The following SLC9A9 variants were observed in gnomAD, a reference collection of about 807,000 sequenced individuals.
SLC9A9 encodes the protein sodium/hydrogen exchanger 9.
A neutral mutation model predicts 77.8 loss-of-function variants in SLC9A9; 62 were observed. That is an observed-to-expected ratio of 0.80 (90% CI 0.65 to 0.98). The LOEUF (loss-of-function observed/expected upper bound fraction) is 0.98. SLC9A9 is among the 50% of genes least tolerant of loss of function. SLC9A9 has a pLI of 0.00. For synonymous variants in SLC9A9, 320 were observed against 283.5 expected (o/e 1.13, Z -1.29); for missense variants, 775 against 774.9 (o/e 1.00, Z 0.00).
chr3:143,637,016 A>T (rs1367067637), intron 6 of SLC9A9, among the ~76,000 whole-genome samples: 2 of 152,234 alleles, frequency 1.3e-5, no homozygotes, highest in African/African-American at 4.8e-5. Context: ...AAATTCAAAA[A>T]TAAGAAGTGA....
At chr3:143,517,564 T>C in intron 9 of SLC9A9, 1 of 1,597,628 alleles carries the variant, frequency 6.3e-7, no homozygotes, top group Non-Finnish European at 8.5e-7. Context: ...GTTGAACTTC[T>C]TTCAGCATTG....
chr3:143,495,100 C>G (rs2108592120), intron 10 of SLC9A9, among the ~76,000 whole-genome samples: 1 of 152,192 alleles, frequency 6.6e-6, no homozygotes, highest in African/African-American at 2.4e-5. Context: ...TTTAATTTCC[C>G]TCTTTATTTC....
intron 6 of SLC9A9, among the ~76,000 whole-genome samples, chr3:143,585,603 A>T (rs1323136214): frequency 6.6e-6 from 1 of 152,184 alleles, no homozygotes; most frequent in African/African-American, 2.4e-5. Context: ...TGTGTCCTTA[A>T]CCTGGTCAAA....
At chr3:143,617,724 C>T (rs914674820) in intron 6 of SLC9A9, among the ~76,000 whole-genome samples, 2 of 152,204 alleles carry the variant, frequency 1.3e-5, no homozygotes, top group Non-Finnish European at 2.9e-5. Flanking sequence ...GTCCTTCCCA[C>T]TCTCTCCCAG....
intron 5 of SLC9A9, among the ~76,000 whole-genome samples, chr3:143,686,989 C>T (rs1041313487): frequency 6.6e-6 from 1 of 152,086 alleles, no homozygotes. Flanking sequence ...CTGCCATTTT[C>T]CATATACTGT....
At chr3:143,450,127 A>G (rs1223914990) in intron 12 of SLC9A9, among the ~76,000 whole-genome samples, 1 of 126,998 alleles carries the variant, frequency 7.9e-6, no homozygotes, top group Non-Finnish European at 1.6e-5. Context: ...ATATATTATA[A>G]TATATAAATA....
chr3:143,730,232 G>C (rs902459222), intron 4 of SLC9A9, among the ~76,000 whole-genome samples: 1 of 151,996 alleles, frequency 6.6e-6, no homozygotes, highest in Non-Finnish European at 1.5e-5. Context: ...GGGGACTTTG[G>C]CACGACTGTG....
At chr3:143,657,145 T>G (rs1282064724) in intron 5 of SLC9A9, among the ~76,000 whole-genome samples, 1 of 152,212 alleles carries the variant, frequency 6.6e-6, no homozygotes, top group Non-Finnish European at 1.5e-5. Flanking sequence ...CCAGTCAAGC[T>G]CTGCCAGTCA....
chr3:143,346,285 G>A (rs1049531576), intron 14 of SLC9A9, among the ~76,000 whole-genome samples: 13 of 152,136 alleles, frequency 8.5e-5, no homozygotes, highest in Non-Finnish European at 1.3e-4. Flanking sequence ...AAACAATGGA[G>A]GGAGAGGATG....
chr3:143,535,594 T>C (rs2036577860), intron 9 of SLC9A9, among the ~76,000 whole-genome samples: 2 of 152,192 alleles, frequency 1.3e-5, no homozygotes, highest in South Asian at 4.1e-4. Flanking sequence ...TGATAAGAGA[T>C]TTTACAGTAC....
chr3:143,561,862 A>G (rs2037091447), intron 8 of SLC9A9, among the ~76,000 whole-genome samples: 1 of 152,212 alleles, frequency 6.6e-6, no homozygotes, highest in Non-Finnish European at 1.5e-5. Flanking sequence ...TTCCTATTTA[A>G]CAAGTGACTG....
chr3:143,587,884 T>C (rs1233080015), intron 6 of SLC9A9, among the ~76,000 whole-genome samples: 1 of 152,068 alleles, frequency 6.6e-6, no homozygotes, highest in Admixed American at 6.5e-5. Flanking sequence ...AGAAAAAGAT[T>C]GAGAGAAGTA....
At chr3:143,786,320 A>G (rs2008057454) in intron 4 of SLC9A9, among the ~76,000 whole-genome samples, 1 of 152,206 alleles carries the variant, frequency 6.6e-6, no homozygotes, top group Non-Finnish European at 1.5e-5. Flanking sequence ...TACCACAACA[A>G]TCTTACATAT....
chr3:143,634,975 G>T (rs999650158), intron 6 of SLC9A9, among the ~76,000 whole-genome samples: 1 of 151,846 alleles, frequency 6.6e-6, no homozygotes, highest in African/African-American at 2.4e-5. Flanking sequence ...TTTTAATTTG[G>T]GTTTTGTCCT....
chr3:143,832,366 T>C (rs747501443), intron 1 of SLC9A9, 145 bp from the exon 2 acceptor site: 34 of 682,936 alleles, frequency 5.0e-5, no homozygotes, highest in Non-Finnish European at 4.7e-5. Context: ...CACTTTTGCA[T>C]GGATACCAGT....
At chr3:143,471,139 T>C (rs1251220925) in intron 11 of SLC9A9, among the ~76,000 whole-genome samples, 2 of 152,214 alleles carry the variant, frequency 1.3e-5, no homozygotes, top group Non-Finnish European at 2.9e-5. Context: ...CATCTGTCCA[T>C]AGCCCTGGTA....
intron 11 of SLC9A9, among the ~76,000 whole-genome samples, chr3:143,471,582 C>T (rs1044376719): frequency 9.9e-5 from 15 of 152,182 alleles, no homozygotes; most frequent in Non-Finnish European, 1.0e-4. Context: ...CTCAAGAAAT[C>T]TAGAACTTGT....
intron 12 of SLC9A9, among the ~76,000 whole-genome samples, chr3:143,396,413 A>C (rs1282290920): frequency 1.3e-5 from 2 of 152,220 alleles, no homozygotes; most frequent in South Asian, 2.1e-4. Flanking sequence ...ACATGGACAC[A>C]GGAAGCGGAA....
chr3:143,773,672 C>T lies in SLC9A9; in HGVS notation c.533+21329G>A, dbSNP rs537672660. 3.9e-5 allele frequency among the ~76,000 whole-genome samples: 6 copies of T among 152,072 alleles called. No homozygotes were observed. In the South Asian group the frequency reaches 6.2e-4, roughly 16 times the overall value. On this transcript the variant is annotated intron_variant, in intron 4 of 15. Coordinates refer to ENST00000316549, the MANE Select transcript of SLC9A9 (RefSeq NM_173653.4). The stretch of plus-strand genomic sequence containing the variant: ...GCTAATTTTGTATGTTTAGTAGAGA[C>T]GGGGTTTCACCATGCTGGTCAGGCT...
Sources: allele counts gnomAD v4.1 joint callset (sites outside exome capture counted in the v4.1 genomes callset), GRCh38; gene constraint gnomAD v4.1.1; transcripts MANE v1.5; gene names NCBI Gene and HGNC (gene_info 2026-07-23, HGNC 2026-07-21).